NT5DC1: variants seen among roughly 807,000 people sequenced by gnomAD.
The protein encoded by NT5DC1 is 5'-nucleotidase domain containing 1.
A neutral mutation model predicts 59.4 loss-of-function variants in NT5DC1; 42 were observed. That is an observed-to-expected ratio of 0.71 (90% CI 0.55 to 0.92). The LOEUF (loss-of-function observed/expected upper bound fraction) is 0.92. Ranked by LOEUF, NT5DC1 falls within the 40% of genes least tolerant of loss-of-function variation. NT5DC1 has a pLI of 0.00. For synonymous variants in NT5DC1, 172 were observed against 188.1 expected, an observed-to-expected ratio of 0.91 and a Z score of 0.70; for missense variants, 501 against 537.1, an observed-to-expected ratio of 0.93 and a Z score of 0.66.
At chr6:116,182,243 G>GTGTGTGTGTT (rs2114476250) in intron 6 of NT5DC1, among the ~76,000 whole-genome samples, 1 of 151,870 alleles carries the variant, frequency 6.6e-6, no homozygotes, top group Admixed American at 6.6e-5. Flanking sequence ...GTGTGTGTGT[G>GTGTGTGTGTT]TGTGTGTGTG....
chr6:116,106,680 A>G (rs1450527824), intron 2 of NT5DC1, among the ~76,000 whole-genome samples: 1 of 152,194 alleles, frequency 6.6e-6, no homozygotes, highest in African/African-American at 2.4e-5. Flanking sequence ...TTGGTTTACT[A>G]TCTTTTAAGA....
At chr6:116,101,637 C>T (rs1302037804) in intron 1 of NT5DC1, among the ~76,000 whole-genome samples, 1 of 152,148 alleles carries the variant, frequency 6.6e-6, no homozygotes, top group African/African-American at 2.4e-5. Flanking sequence ...GCATCGACTA[C>T]GTGCTCCGTG....
In NT5DC1 at chr6:116,101,032, C is replaced by G. The variant is rs200764303; in HGVS notation, c.93+9C>G. ...TGCCCGAGAGCGCCCCGGTGAGTGGCGCGGGCTCCGGGGCGCACTGCGCGC... is the reference window on the plus strand; with the variant it reads ...TGCCCGAGAGCGCCCCGGTGAGTGGGGCGGGCTCCGGGGCGCACTGCGCGC... On this transcript the variant is annotated intron_variant, in intron 1 of 11. Coordinates refer to ENST00000319550, the MANE Select transcript of NT5DC1 (RefSeq NM_152729.3). The G allele has an allele frequency of 1.3e-6, 2 of 1,577,052 alleles. No individual in the cohort carries two copies. The highest frequency in any genetic ancestry group is 2.3e-5 in the South Asian group (2 of 88,170).
chr6:116,158,935 A>G (rs941339721), intron 6 of NT5DC1, among the ~76,000 whole-genome samples: 3 of 152,154 alleles, frequency 2.0e-5, no homozygotes, highest in African/African-American at 7.2e-5. Flanking sequence ...GGGGAATTTC[A>G]TTTATTTGAT....
intron 6 of NT5DC1, among the ~76,000 whole-genome samples, chr6:116,208,220 C>T (rs1781498477): frequency 6.6e-6 from 1 of 151,980 alleles, no homozygotes; most frequent in Admixed American, 6.6e-5. Context: ...AGCATTGCCA[C>T]ATTTCTGAGT....
chr6:116,195,998 G>A (rs55639435), intron 6 of NT5DC1, among the ~76,000 whole-genome samples: 1,774 of 152,136 alleles, frequency 0.012, 36 homozygotes, highest in African/African-American at 0.041. Flanking sequence ...CATCTGTCTA[G>A]TACTTGTTTG....
intron 6 of NT5DC1, chr6:116,120,966 A>T: frequency 6.2e-7 from 1 of 1,612,692 alleles, no homozygotes; most frequent in Non-Finnish European, 8.5e-7. Flanking sequence ...TTTCCATCTG[A>T]CCCAGGGGAA....
intron 6 of NT5DC1, among the ~76,000 whole-genome samples, chr6:116,203,970 C>G (rs1182236667): frequency 6.6e-6 from 1 of 151,862 alleles, no homozygotes; most frequent in Non-Finnish European, 1.5e-5. Context: ...TGCCCTGACA[C>G]ACACACGGTG....
chr6:116,136,800 A>C (rs1260007376), intron 6 of NT5DC1, among the ~76,000 whole-genome samples: 1 of 152,242 alleles, frequency 6.6e-6, no homozygotes, highest in Non-Finnish European at 1.5e-5. Flanking sequence ...TCTGTTACTC[A>C]GAACAAGAAG....
At chr6:116,197,098 TCCACCCCCAC>T (rs1781245724) in intron 6 of NT5DC1, among the ~76,000 whole-genome samples, 1 of 151,864 alleles carries the variant, frequency 6.6e-6, no homozygotes, top group African/African-American at 2.4e-5. Flanking sequence ...GGATCTCCTG[TCCACCCCCAC>T]CTCCTTTCTC....
At chr6:116,198,589 G>T (rs913955451) in intron 6 of NT5DC1, among the ~76,000 whole-genome samples, 2 of 151,902 alleles carry the variant, frequency 1.3e-5, no homozygotes, top group Non-Finnish European at 2.9e-5. Context: ...AAAATAGCCA[G>T]ATCTGGTGGT....
At chr6:116,112,435 T>C (rs1778897082) in intron 4 of NT5DC1, among the ~76,000 whole-genome samples, 1 of 152,164 alleles carries the variant, frequency 6.6e-6, no homozygotes, top group Non-Finnish European at 1.5e-5. Context: ...GGTTAGAAAA[T>C]TTAAATATTA....
intron 6 of NT5DC1, among the ~76,000 whole-genome samples, chr6:116,154,439 C>G (rs1245082019): frequency 6.6e-6 from 1 of 152,018 alleles, no homozygotes; most frequent in Non-Finnish European, 1.5e-5. Context: ...CAGATTCACC[C>G]AAACACATTA....
intron 6 of NT5DC1, among the ~76,000 whole-genome samples, chr6:116,162,772 C>T (rs1207659006): frequency 1.3e-5 from 2 of 152,066 alleles, no homozygotes; most frequent in Non-Finnish European, 2.9e-5. Flanking sequence ...TTGTTATTAG[C>T]ATGATACTAG....
intron 8 of NT5DC1, among the ~76,000 whole-genome samples, chr6:116,228,450 G>A (rs1233637089): frequency 6.6e-6 from 1 of 152,096 alleles, no homozygotes; most frequent in Non-Finnish European, 1.5e-5. Context: ...AGAGGTTGCG[G>A]TGAGCCAAGA....
At chr6:116,171,910 G>A (rs1780615947) in intron 6 of NT5DC1, among the ~76,000 whole-genome samples, 1 of 152,194 alleles carries the variant, frequency 6.6e-6, no homozygotes, top group African/African-American at 2.4e-5. Flanking sequence ...TTAAGTCCGA[G>A]AGTGAGAGAG....
chr6:116,243,996 C>A lies in NT5DC1; in HGVS notation c.1340C>A (p.Ser447Ter). Reference protein sequence around the residue: ...GYYPNPPLVLSSDETLISK With the variant: ...GYYPNPPLVL ...TATCCAAATCCTCCACTGGTCTTAT[C>A]AAGTGATGAGACACTGATATCCAAA... The change falls in exon 12 of 12, where the codon TCA becomes TAA. Residue 447 changes from serine (S) to a stop codon, truncating the protein, a stop_gained. Coordinates refer to ENST00000319550, the MANE Select transcript of NT5DC1 (RefSeq NM_152729.3). LOFTEE classifies it high-confidence loss of function. 6.7e-7 allele frequency: 1 copy of A among 1,498,560 alleles called. No individual in the cohort carries two copies. The highest frequency in any genetic ancestry group is 9.2e-7 in the Non-Finnish European group (1 of 1,081,268). The allele number at this position is 1,498,560 out of a possible 1,614,324, so 92.8% of individuals were successfully genotyped here.
intron 6 of NT5DC1, among the ~76,000 whole-genome samples, chr6:116,151,785 T>C (rs1334438909): frequency 6.6e-6 from 1 of 152,214 alleles, no homozygotes; most frequent in Non-Finnish European, 1.5e-5. Flanking sequence ...AATAAACTTT[T>C]TTTAAAAAAG....
chr6:116,133,144 C>T (rs1054386191), intron 6 of NT5DC1, among the ~76,000 whole-genome samples: 4 of 152,136 alleles, frequency 2.6e-5, no homozygotes, highest in African/African-American at 4.8e-5. Flanking sequence ...TAGTTTCGTG[C>T]GCCAAGTGCT....
Sources: allele counts gnomAD v4.1 joint callset (sites outside exome capture counted in the v4.1 genomes callset), GRCh38; gene constraint gnomAD v4.1.1; transcripts MANE v1.5; gene names NCBI Gene and HGNC (gene_info 2026-07-23, HGNC 2026-07-21).